The following ABI3BP variants were observed in gnomAD, a reference collection of about 807,000 sequenced individuals.
ABI3BP encodes ABI family member 3 binding protein, also known as target of Nesh-SH3.
In ABI3BP, 216 loss-of-function variants were observed where a neutral mutation model predicts 268.6. The observed-to-expected ratio is 0.80, with a 90% CI of 0.72 to 0.90. The LOEUF is 0.90. Ranked by LOEUF, ABI3BP falls within the 40% of genes least tolerant of loss-of-function variation. The pLI is 0.00. For missense variants in ABI3BP, 2,090 were observed against 2,182.4 expected, an observed-to-expected ratio of 0.96 and a Z score of 0.84; for synonymous variants, 730 against 730.0, an observed-to-expected ratio of 1.00 and a Z score of 0.00.
chr3:100,882,262 ATGGGTGAATAAT>A (rs2039669828), intron 6 of ABI3BP, among the ~76,000 whole-genome samples: 2 of 152,034 alleles, frequency 1.3e-5, no homozygotes, highest in South Asian at 4.1e-4. Context: ...CAGAGAAGAG[ATGGGTGAATAAT>A]TGGGTATACA....
At chr3:100,881,338 A>T (rs1279254715) in intron 6 of ABI3BP, among the ~76,000 whole-genome samples, 1 of 152,176 alleles carries the variant, frequency 6.6e-6, no homozygotes, top group Non-Finnish European at 1.5e-5. Flanking sequence ...AAGTGGTACC[A>T]CTTCTCTTTT....
intron 2 of ABI3BP, among the ~76,000 whole-genome samples, chr3:100,915,216 TC>T (rs1207093990): frequency 6.6e-6 from 1 of 152,128 alleles, no homozygotes; most frequent in East Asian, 1.9e-4. Flanking sequence ...TTTACTCTTA[TC>T]CCCCAACCCA....
chr3:100,796,763 T>A (rs1295631219), intron 51 of ABI3BP, among the ~76,000 whole-genome samples: 1 of 152,072 alleles, frequency 6.6e-6, no homozygotes, highest in African/African-American at 2.4e-5. Context: ...TAGAGCTCCC[T>A]CAAGTGGCTT....
intron 4 of ABI3BP, among the ~76,000 whole-genome samples, chr3:100,886,867 G>A (rs919893430): frequency 1.3e-5 from 2 of 151,864 alleles, no homozygotes; most frequent in African/African-American, 2.4e-5. Context: ...CAATAGCCAA[G>A]TTAAGAGTCA....
At chr3:100,866,559 C>A (rs2099052604) in intron 10 of ABI3BP, among the ~76,000 whole-genome samples, 1 of 152,086 alleles carries the variant, frequency 6.6e-6, no homozygotes, top group South Asian at 2.1e-4. Context: ...GAAAAATGGT[C>A]TAATGTCATC....
At chr3:100,754,718 T>C in intron 63 of ABI3BP, 27 bp from the exon 64 acceptor site, 2 of 1,539,010 alleles carry the variant, frequency 1.3e-6, no homozygotes. Context: ...AAAAAAATAC[T>C]TGTAATACAT....
intron 2 of ABI3BP, among the ~76,000 whole-genome samples, chr3:100,922,924 A>G (rs2060725489): frequency 6.6e-6 from 1 of 152,242 alleles, no homozygotes; most frequent in Non-Finnish European, 1.5e-5. Flanking sequence ...ACTATAAATA[A>G]CCAATTTAAA....
At chr3:100,920,708 A>T (rs559850452) in intron 2 of ABI3BP, among the ~76,000 whole-genome samples, 1 of 152,322 alleles carries the variant, frequency 6.6e-6, no homozygotes, top group Admixed American at 6.5e-5. Flanking sequence ...GGCATGAGCC[A>T]CCACACCCAG....
chr3:100,944,393 C>T (rs747990849), intron 1 of ABI3BP, among the ~76,000 whole-genome samples: 2 of 151,926 alleles, frequency 1.3e-5, no homozygotes, highest in Non-Finnish European at 2.9e-5. Flanking sequence ...ATTCCATTGG[C>T]CAAATAGAGG....
At chr3:100,842,845 A>C (rs535915151) in intron 20 of ABI3BP, among the ~76,000 whole-genome samples, 34 of 152,320 alleles carry the variant, frequency 2.2e-4, no homozygotes, top group African/African-American at 8.2e-4. Flanking sequence ...ATTAAAAAGG[A>C]ATTGTTTATT....
At position 100,795,489 on chromosome 3, in the gene ABI3BP, T is replaced by C. The variant is rs148195278; in HGVS notation, c.3865+315A>G. Among the ~76,000 whole-genome samples the C allele has an allele frequency of 2.1e-3, 319 of 152,184 alleles. 2 individuals carry two copies. The highest frequency in any genetic ancestry group is 7.2e-3 in the African/African-American group (300 of 41,554). ...CTTACCACATACTAGTATGTTACAT[T>C]ACAGCTGAGAACCACTAAACCAATG... On this transcript the variant is annotated intron_variant, in intron 53 of 67. Coordinates refer to ENST00000471714, the MANE Select transcript of ABI3BP (RefSeq NM_001375547.2).
At chr3:100,780,063 A>T in intron 58 of ABI3BP, 69 bp downstream of exon 58, 2 of 1,478,792 alleles carry the variant, frequency 1.4e-6, no homozygotes, top group Non-Finnish European at 1.9e-6. Context: ...TGCCACCAGG[A>T]ATGATACTGC....
chr3:100,891,490 T>C (rs897122235), intron 4 of ABI3BP, among the ~76,000 whole-genome samples: 1 of 152,214 alleles, frequency 6.6e-6, no homozygotes, highest in African/African-American at 2.4e-5. Context: ...AACCCTATGA[T>C]ATTACTTACC....
At chr3:100,897,451 T>C (rs1355793771) in intron 4 of ABI3BP, among the ~76,000 whole-genome samples, 5 of 152,258 alleles carry the variant, frequency 3.3e-5, no homozygotes, top group Non-Finnish European at 5.9e-5. Context: ...AATAAACTTT[T>C]GAATATTCAC....
intron 1 of ABI3BP, among the ~76,000 whole-genome samples, chr3:100,961,276 A>G (rs1296300603): frequency 6.6e-6 from 1 of 152,212 alleles, no homozygotes; most frequent in African/African-American, 2.4e-5. Flanking sequence ...TCAATTTTAG[A>G]GACACAAGCT....
chr3:100,929,735 A>T (rs1216179499), intron 1 of ABI3BP, among the ~76,000 whole-genome samples: 1 of 152,032 alleles, frequency 6.6e-6, no homozygotes, highest in African/African-American at 2.4e-5. Context: ...TGCAATGCAT[A>T]TGAGGCTTTG....
intron 26 of ABI3BP, 98 bp from the exon 27 acceptor site, chr3:100,837,269 G>T: frequency 3.4e-6 from 3 of 892,130 alleles, no homozygotes; most frequent in Middle Eastern, 4.6e-4. Context: ...ACAGAGTCTA[G>T]TTTATTCTAA....
At chr3:100,936,761 GCA>G (rs2066339770) in intron 1 of ABI3BP, among the ~76,000 whole-genome samples, 1 of 152,118 alleles carries the variant, frequency 6.6e-6, no homozygotes, top group Non-Finnish European at 1.5e-5. Context: ...TAGTTTATTT[GCA>G]TAGAGGTGTT....
chr3:100,834,428 G>A (rs1444195277), intron 29 of ABI3BP, among the ~76,000 whole-genome samples: 1 of 152,086 alleles, frequency 6.6e-6, no homozygotes, highest in Non-Finnish European at 1.5e-5. Context: ...TTTTTGCTGA[G>A]CTGAGGAATC....
Sources: allele counts gnomAD v4.1 joint callset (sites outside exome capture counted in the v4.1 genomes callset), GRCh38; gene constraint gnomAD v4.1.1; transcripts MANE v1.5; gene names NCBI Gene and HGNC (gene_info 2026-07-23, HGNC 2026-07-21).